PCDHGB1: variants seen among roughly 807,000 people sequenced by gnomAD.
The protein encoded by PCDHGB1 is protocadherin gamma subfamily B, 1, also known as protocadherin gamma-B1.
Under a neutral mutation model 56.6 loss-of-function variants are expected in PCDHGB1, and 34 were observed. The ratio of observed to expected loss-of-function variants is 0.60; its 90% confidence interval spans 0.46 to 0.80. The LOEUF is 0.80. Ranked by LOEUF, PCDHGB1 falls within the 30% of genes least tolerant of loss-of-function variation. The pLI is 0.00. For missense variants in PCDHGB1, 1,278 were observed against 1,204.6 expected (o/e 1.06, Z -0.90); for synonymous variants, 561 against 505.9 (o/e 1.11, Z -1.46).
intron 1 of PCDHGB1, chr5:141,419,181 A>T (rs769321564): frequency 1.9e-6 from 3 of 1,613,858 alleles, no homozygotes; most frequent in Admixed American, 3.3e-5. Flanking sequence ...ATAACCCTGC[A>T]CATTACTGAC....
At position 141,352,191 on chromosome 5, in the gene PCDHGB1, A is replaced by G. The variant is rs1339193704; in HGVS notation, c.1931A>G (p.Asp644Gly). ...CAGCGCCTGCTGGTCGCTGTGCGTG[A>G]TGGAGGACAGCCGCCACTCTCCGCC... ...ARQRLLVAVRDGGQPPLSATA... is the reference protein window; with the variant it reads ...ARQRLLVAVRGGGQPPLSATA... The change falls in exon 1 of 4, where the codon GAT becomes GGT. Residue 644 changes from aspartate to glycine, a missense_variant. Physicochemically the swap from Asp to Gly is moderately conservative, Grantham distance 94. Coordinates refer to ENST00000523390, the MANE Select transcript of PCDHGB1 (RefSeq NM_018922.3). 2 of 1,613,698 alleles carry G rather than the reference A, an allele frequency of 1.2e-6. No homozygotes were observed. Among genetic ancestry groups the G allele is most frequent in the African/African-American group, 2.7e-5 (2 of 74,916 alleles).
intron 1 of PCDHGB1, chr5:141,429,047 GGTTTCACC>G (rs1254088441): frequency 1.3e-5 from 2 of 152,034 alleles, no homozygotes; most frequent in Non-Finnish European, 2.9e-5. Flanking sequence ...GTACAGACGG[GGTTTCACC>G]GTGTTAGCCA....
At chr5:141,408,051 C>A in intron 1 of PCDHGB1, 3 of 1,264,368 alleles carry the variant, frequency 2.4e-6, no homozygotes, top group Non-Finnish European at 3.2e-6. Context: ...CCACACAGAG[C>A]CTCCCGGCTG....
intron 1 of PCDHGB1, chr5:141,400,506 G>A (rs771674964): frequency 3.7e-6 from 6 of 1,613,830 alleles, no homozygotes; most frequent in Non-Finnish European, 5.1e-6. Context: ...CCAGCGAGTC[G>A]ACTTCCCATC....
intron 1 of PCDHGB1, among the ~76,000 whole-genome samples, chr5:141,449,345 T>C (rs2154562594): frequency 1.3e-5 from 2 of 151,644 alleles, no homozygotes; most frequent in South Asian, 4.2e-4. Context: ...AGTGGCTCAC[T>C]CCTGTAATCC....
In PCDHGB1 at chr5:141,350,452, G is replaced by A; in HGVS notation, c.192G>A (p.Leu64=). 3 of 1,612,026 alleles carry A rather than the reference G, an allele frequency of 1.9e-6. No homozygotes were observed. The highest frequency in any genetic ancestry group is 2.5e-6 in the Non-Finnish European group (3 of 1,178,156). The change falls in exon 1 of 4, where the codon CTG becomes CTA. Residue 64 remains leucine (L), a synonymous_variant. Transcript: ENST00000523390. The stretch of plus-strand genomic sequence containing the variant: ...TCCGGGAGTTGCCAACTCGAAAACT[G>A]CGGGTTAGTGCAGAGGATTATTTCA... ...LSVRELPTRK[L]RVSAEDYFNV...
At chr5:141,433,253 G>C (rs1288721469) in intron 1 of PCDHGB1, 1 of 1,416,466 alleles carries the variant, frequency 7.1e-7, no homozygotes, top group East Asian at 2.3e-5. Flanking sequence ...GAATGCAGCG[G>C]TACGATCATA....
intron 1 of PCDHGB1, chr5:141,394,218 G>C: frequency 6.2e-7 from 1 of 1,613,918 alleles, no homozygotes; most frequent in Non-Finnish European, 8.5e-7. Context: ...CCTGAGAGGA[G>C]CCTCCATCTT....
chr5:141,408,526 T>C, intron 1 of PCDHGB1: 3 of 1,614,028 alleles, frequency 1.9e-6, no homozygotes, highest in Non-Finnish European at 2.5e-6. Flanking sequence ...AATTGGAAGC[T>C]GTGGTGGAAA....
chr5:141,469,499 C>T lies in PCDHGB1; in HGVS notation c.2410-25308C>T, dbSNP rs1023274165. Among the ~76,000 whole-genome samples, 22 of 152,128 alleles carry T rather than the reference C, an allele frequency of 1.4e-4. 1 individual carries two copies. The highest frequency in any genetic ancestry group is 3.9e-4 in the African/African-American group (16 of 41,510). On this transcript the variant is annotated intron_variant, in intron 1 of 3. Coordinates refer to ENST00000523390, the MANE Select transcript of PCDHGB1 (RefSeq NM_018922.3). ...CTGAGGCAGGAGAATCGCTTGAACC[C>T]GGGAGGTGGAGGTTGCAGTGAGCCA...
At chr5:141,379,592 TACCTGTGACCATTTCATTTAA>T (rs1451558055) in intron 1 of PCDHGB1, 2 of 152,236 alleles carry the variant, frequency 1.3e-5, no homozygotes, top group East Asian at 3.8e-4. Flanking sequence ...ATTCTCTTAT[TACCTGTGACCATTTCATTTAA>T]ACAAATAAAA....
intron 1 of PCDHGB1, chr5:141,361,769 A>G: frequency 1.2e-6 from 2 of 1,613,144 alleles, no homozygotes; most frequent in Middle Eastern, 1.7e-4. Context: ...CTCAGCGCCA[A>G]CGTGAGCCTG....
intron 1 of PCDHGB1, among the ~76,000 whole-genome samples, chr5:141,449,131 G>A (rs530494400): frequency 7.9e-5 from 12 of 152,220 alleles, no homozygotes; most frequent in Non-Finnish European, 1.3e-4. Flanking sequence ...CCCAGAAATG[G>A]AATTGAAATT....
intron 1 of PCDHGB1, among the ~76,000 whole-genome samples, chr5:141,454,032 C>T (rs2098780173): frequency 6.6e-6 from 1 of 152,126 alleles, no homozygotes; most frequent in Non-Finnish European, 1.5e-5. Flanking sequence ...AAGAATTGGC[C>T]AGCAAAGATA....
At chr5:141,403,056 T>A in intron 1 of PCDHGB1, 1 of 1,614,046 alleles carries the variant, frequency 6.2e-7, no homozygotes, top group Non-Finnish European at 8.5e-7. Flanking sequence ...CGCTACTCAG[T>A]GCCTGAAGAG....
intron 2 of PCDHGB1, among the ~76,000 whole-genome samples, chr5:141,495,645 C>T (rs2099762719): frequency 6.6e-6 from 1 of 152,208 alleles, no homozygotes; most frequent in South Asian, 2.1e-4. Context: ...CATTTGTCTA[C>T]TTGCATTGAT....
rs777925358 is a variant in PCDHGB1 at position 141,477,657 on chromosome 5, G to T, written c.2410-17150G>T. ...GTGGGTCGCTATTTCACAATAAATC[G>T]TGACAATGGCATAGTGTCATCCTTA... On this transcript the variant is annotated intron_variant, in intron 1 of 3. Transcript: ENST00000523390. This position sits in a 1 kb window ranked among gnomAD's most constrained non-coding sequence, Gnocchi z 4.9. 6.8e-6 allele frequency: 11 copies of T among 1,614,072 alleles called. No individual in the cohort carries two copies. Among genetic ancestry groups the T allele is most frequent in the South Asian group, 2.2e-5 (2 of 91,090 alleles).
chr5:141,431,527 C>T lies in PCDHGB1; in HGVS notation c.2410-63280C>T. The T allele has an allele frequency of 1.2e-6, 2 of 1,614,086 alleles. No homozygotes were observed. The highest frequency in any genetic ancestry group is 2.2e-5 in the East Asian group (1 of 44,888). ...GCGCGAGCGTTCCGGAGAATCTGGC[C>T]TTGGGCACGCAGCTGCTTGTAGTCA... On this transcript the variant is annotated intron_variant, in intron 1 of 3. Coordinates refer to ENST00000523390, the MANE Select transcript of PCDHGB1 (RefSeq NM_018922.3). This position sits in a 1 kb window ranked among gnomAD's most constrained non-coding sequence, Gnocchi z 4.8.
intron 1 of PCDHGB1, among the ~76,000 whole-genome samples, chr5:141,492,632 C>T (rs1359761285): frequency 1.3e-5 from 2 of 152,256 alleles, no homozygotes; most frequent in Admixed American, 1.3e-4. Context: ...CAGGACTCTA[C>T]GATCCTTGGG....
Sources: gnomAD v4.1 joint callset for allele counts (sites outside exome capture counted in the v4.1 genomes callset) on GRCh38, gnomAD v4.1.1 for gene constraint, Gnocchi (gnomAD v3.1) non-coding constraint, MANE v1.5 for transcripts, NCBI Gene and HGNC (gene_info 2026-07-23, HGNC 2026-07-21) for gene names.